CAAP1: variants seen among roughly 807,000 people sequenced by gnomAD.
CAAP1 encodes the protein conserved anti-apoptotic protein.
Under a neutral mutation model 34.0 loss-of-function variants are expected in CAAP1, and 20 were observed. The ratio of observed to expected loss-of-function variants is 0.59; its 90% CI spans 0.41 to 0.86. The LOEUF (loss-of-function observed/expected upper bound fraction) is 0.86, where lower values mean the gene tolerates loss of function less well. Ranked by LOEUF, CAAP1 falls within the 40% of genes least tolerant of loss-of-function variation. The pLI is 0.00. For missense variants in CAAP1, 538 were observed against 450.5 expected (o/e 1.19, Z -1.76); for synonymous variants, 213 against 166.7 (o/e 1.28, Z -2.14).
intron 4 of CAAP1, among the ~76,000 whole-genome samples, chr9:26,875,245 G>C (rs1027459000): frequency 1.3e-5 from 2 of 152,212 alleles, no homozygotes; most frequent in South Asian, 2.1e-4. Context: ...AATTAGCCAG[G>C]CGTGGTGGCA....
chr9:26,888,865 G>A (rs1384308325), intron 1 of CAAP1, among the ~76,000 whole-genome samples: 1 of 152,158 alleles, frequency 6.6e-6, no homozygotes, highest in African/African-American at 2.4e-5. Context: ...GTGATAAATG[G>A]AAAAATGAAA....
At chr9:26,889,458 G>A (rs1481338711) in intron 1 of CAAP1, among the ~76,000 whole-genome samples, 2 of 151,898 alleles carry the variant, frequency 1.3e-5, no homozygotes, top group Admixed American at 6.6e-5. Context: ...CTGTAGTGAC[G>A]GTTGTACAAC....
rs183588479 is a variant in CAAP1, at chr9:26,877,403, C to T, written c.665+7407G>A. Among the ~76,000 whole-genome samples the T allele has an allele frequency of 2.6e-4, 39 of 152,260 alleles. No homozygotes were observed. In the East Asian group the frequency reaches 3.1e-3, roughly 12 times the overall value. ...AGTGTACTCTATGACGTTTGCACAA[C>T]AAATCACCTAACTATACATCTCTCA... On this transcript the variant is annotated intron_variant, in intron 4 of 5. Transcript: ENST00000333916.
chr9:26,870,169 C>T (rs74462317), intron 4 of CAAP1, among the ~76,000 whole-genome samples: 1 of 151,668 alleles, frequency 6.6e-6, no homozygotes, highest in African/African-American at 2.4e-5. Flanking sequence ...AAGACCCCAT[C>T]TGGGGCTTCT....
In CAAP1 at chr9:26,892,741, G is replaced by A. The variant is rs1823945428; in HGVS notation, c.-26C>T. ...GATCCCTCTGCTGCAACCATCGGAG[G>A]AAAGTCCGCTGTCTCTGGTGCGACC... On this transcript the variant is annotated 5_prime_UTR_variant, in exon 1 of 6. Transcript: ENST00000333916. The A allele has an allele frequency of 2.6e-6, 4 of 1,555,910 alleles. No individual in the cohort carries two copies. The highest frequency in any genetic ancestry group is 4.5e-5 in the East Asian group (2 of 44,318).
intron 4 of CAAP1, among the ~76,000 whole-genome samples, chr9:26,884,407 T>C (rs1299604359): frequency 6.6e-6 from 1 of 152,178 alleles, no homozygotes; most frequent in Non-Finnish European, 1.5e-5. Flanking sequence ...GAGGCTATTA[T>C]TGCCTAATAT....
rs184966937 is a variant in CAAP1, at chr9:26,888,741, G to C, written c.304-1228C>G. On this transcript the variant is annotated intron_variant, in intron 1 of 5. Transcript: ENST00000333916. ...TACCATATGACCCAGCAATTCCATT[G>C]CTAGATATATACCCAAGAGAAATGT... 4.4e-4 allele frequency among the ~76,000 whole-genome samples: 67 copies of C among 152,324 alleles called. No homozygotes were observed. The East Asian group carries it at 0.012, about 26-fold the overall frequency.
intron 3 of CAAP1, among the ~76,000 whole-genome samples, chr9:26,885,322 G>T (rs911438799): frequency 2.0e-5 from 3 of 151,968 alleles, no homozygotes; most frequent in African/African-American, 7.2e-5. Context: ...TGATCCGCCC[G>T]CCTCAGCCTC....
intron 4 of CAAP1, among the ~76,000 whole-genome samples, chr9:26,878,890 C>A (rs1020904741): frequency 6.6e-6 from 1 of 152,232 alleles, no homozygotes; most frequent in Middle Eastern, 3.4e-3. Flanking sequence ...CCAAAGTAAA[C>A]ACTTTGTAGT....
intron 4 of CAAP1, among the ~76,000 whole-genome samples, chr9:26,881,111 T>C (rs1230600970): frequency 6.6e-6 from 1 of 152,132 alleles, no homozygotes; most frequent in Non-Finnish European, 1.5e-5. Flanking sequence ...AAATTCAACA[T>C]CAACCTGGGT....
intron 1 of CAAP1, chr9:26,892,170 T>C: frequency 8.8e-7 from 1 of 1,138,692 alleles, no homozygotes; most frequent in Admixed American, 3.1e-5. Flanking sequence ...GAGCCAAGAG[T>C]TTAAAAAATA....
intron 5 of CAAP1, among the ~76,000 whole-genome samples, chr9:26,847,127 T>A (rs965488799): frequency 4.0e-5 from 6 of 151,004 alleles, no homozygotes; most frequent in Admixed American, 4.0e-4. Context: ...TTTTTTTTCA[T>A]CTTAGCAATG....
intron 5 of CAAP1, among the ~76,000 whole-genome samples, chr9:26,858,208 A>G (rs1403701480): frequency 6.6e-6 from 1 of 152,184 alleles, no homozygotes; most frequent in African/African-American, 2.4e-5. Context: ...AAAAATAGCT[A>G]GTTATGCAAG....
At chr9:26,859,816 T>C (rs917667154) in intron 5 of CAAP1, among the ~76,000 whole-genome samples, 2 of 152,194 alleles carry the variant, frequency 1.3e-5, no homozygotes, top group Admixed American at 6.5e-5. Flanking sequence ...TGAAAAGCAA[T>C]GGGAATTTTT....
chr9:26,860,817 T>G (rs1452305266), intron 5 of CAAP1, among the ~76,000 whole-genome samples: 1 of 152,072 alleles, frequency 6.6e-6, no homozygotes, highest in Non-Finnish European at 1.5e-5. Context: ...TAAATTTAAT[T>G]TAATAAATTA....
chr9:26,860,146 A>C (rs1218978202), intron 5 of CAAP1, among the ~76,000 whole-genome samples: 7 of 152,180 alleles, frequency 4.6e-5, no homozygotes, highest in Admixed American at 2.0e-4. Context: ...GTTCTGAATT[A>C]ATTTTATCAG....
At chr9:26,844,986 T>C (rs534673792) in intron 5 of CAAP1, among the ~76,000 whole-genome samples, 1 of 152,258 alleles carries the variant, frequency 6.6e-6, no homozygotes. Flanking sequence ...CTTTTCACTA[T>C]CTACTTTCTT....
At chr9:26,890,140 C>T (rs1048992146) in intron 1 of CAAP1, among the ~76,000 whole-genome samples, 18 of 152,034 alleles carry the variant, frequency 1.2e-4, no homozygotes, top group Admixed American at 2.0e-4. Flanking sequence ...GAGGCTGAGA[C>T]GAGTGGATCA....
chr9:26,875,362 G>A (rs545083043), intron 4 of CAAP1, among the ~76,000 whole-genome samples: 1 of 152,090 alleles, frequency 6.6e-6, no homozygotes. Context: ...CTCCAGACTG[G>A]GCAACAGAGT....
Sources: allele counts gnomAD v4.1 joint callset (sites outside exome capture counted in the v4.1 genomes callset), GRCh38; gene constraint gnomAD v4.1.1; transcripts MANE v1.5; gene names NCBI Gene and HGNC (gene_info 2026-07-23, HGNC 2026-07-21).